Variants in TTC31 observed in about 807,000 individuals in gnomAD.
TTC31 encodes the protein tetratricopeptide repeat protein 31.
Under a neutral mutation model 60.4 loss-of-function variants are expected in TTC31, and 59 were observed. The ratio of observed to expected loss-of-function variants is 0.98; its 90% confidence interval spans 0.79 to 1.21. TTC31 has a LOEUF of 1.21. TTC31 is among the 50% of genes most tolerant of loss of function. TTC31 has a pLI of 0.00. For synonymous variants in TTC31, 225 were observed against 249.6 expected, an observed-to-expected ratio of 0.90 and a Z score of 0.93; for missense variants, 672 against 646.9, an observed-to-expected ratio of 1.04 and a Z score of -0.42.
chr2:74,493,466 C>T lies in TTC31; in HGVS notation c.*248C>T. The T allele has an allele frequency of 2.0e-6, 1 of 504,286 alleles. No individual in the cohort carries two copies. Among genetic ancestry groups the T allele is most frequent in the Non-Finnish European group, 3.5e-6 (1 of 285,502 alleles). The allele number at this position is 504,286 out of a possible 1,614,324, so 31.2% of individuals were successfully genotyped here. ...TAAGGAAAAATAAAACCCACCAAGG[C>T]TCAAGAAGGGAACTATAGAAAAGTT... On this transcript the variant is annotated 3_prime_UTR_variant, in exon 13 of 13. Coordinates refer to ENST00000233623, the MANE Select transcript of TTC31 (RefSeq NM_022492.6).
At chr2:74,491,805 A>C in intron 8 of TTC31, 133 bp downstream of exon 8, 1 of 1,386,078 alleles carries the variant, frequency 7.2e-7, no homozygotes, top group East Asian at 2.5e-5. Flanking sequence ...AGAGACCTAC[A>C]GTCAGGCCCC....
chr2:74,485,816 C>G (rs1327812688), intron 2 of TTC31, among the ~76,000 whole-genome samples: 1 of 151,722 alleles, frequency 6.6e-6, no homozygotes, highest in African/African-American at 2.4e-5. Context: ...GTTGGTCATG[C>G]TGATCTCAAA....
intron 2 of TTC31, among the ~76,000 whole-genome samples, chr2:74,486,241 GGA>G (rs1673092172): frequency 6.6e-6 from 1 of 151,824 alleles, no homozygotes; most frequent in African/African-American, 2.4e-5. Flanking sequence ...ATTCCAGCCT[GGA>G]GACAGGGTTA....
At position 74,490,135 on chromosome 2, in the gene TTC31, G is replaced by A. The variant is rs1354542875; in HGVS notation, c.232+8G>A. On this transcript the variant is annotated splice_region_variant and intron_variant, in intron 3 of 12. Coordinates refer to ENST00000233623, the MANE Select transcript of TTC31 (RefSeq NM_022492.6). ...TGCAGCTGTGGCACCATGGTGGGGA[G>A]TGCAGGGACCGGGCCCAGGGATCGA... 2 of 1,602,930 alleles carry A rather than the reference G, an allele frequency of 1.2e-6. No homozygotes were observed. Among genetic ancestry groups the A allele is most frequent in the African/African-American group, 2.7e-5 (2 of 74,770 alleles).
At position 74,492,408 on chromosome 2, in the gene TTC31, G is replaced by A; in HGVS notation, c.1124G>A (p.Gly375Asp). Residue 375 changes from glycine (G) to aspartate (D), a missense_variant, in exon 11 of 13, where the codon GGC (glycine) becomes GAC (aspartate). Coordinates refer to ENST00000233623, the MANE Select transcript of TTC31 (RefSeq NM_022492.6). ...ACCCTACGGCCTGGCTGGCCCCGGG[G>A]CCTCTTCCGCCTGGGCAAGGCCTTG... ...ALTLRPGWPR[G>D]LFRLGKALMG... 1.3e-6 allele frequency: 2 copies of A among 1,523,826 alleles called. No individual in the cohort carries two copies. The highest frequency in any genetic ancestry group is 1.8e-6 in the Non-Finnish European group (2 of 1,137,050). The allele number at this position is 1,523,826 out of a possible 1,614,324, so 94.4% of individuals were successfully genotyped here.
chr2:74,490,762 G>T (rs375319477), intron 5 of TTC31, 23 bp downstream of exon 5: 120 of 1,603,494 alleles, frequency 7.5e-5, no homozygotes, highest in South Asian at 6.5e-4. Context: ...TGGCTGGAGG[G>T]TGCAGGGGAG....
At chr2:74,492,083 C>G in intron 9 of TTC31, 28 bp downstream of exon 9, 1 of 1,614,122 alleles carries the variant, frequency 6.2e-7, no homozygotes, top group South Asian at 1.1e-5. Flanking sequence ...TCCGTCCTCA[C>G]CCCACCCTCC....
chr2:74,492,662 C>G lies in TTC31; in HGVS notation c.1178C>G (p.Ala393Gly), dbSNP rs1211800966. Residue 393 changes from alanine to glycine, a missense_variant, in exon 12 of 13, where the codon GCT becomes GGT. Transcript: ENST00000233623. ...LMGLQRFREA[A>G]AVFQETLRGG... is the part of the protein sequence containing the mutation. Reference sequence around the variant, plus strand: ...GGACCAAAGCGCTTCAGAGAGGCAGCTGCTGTGTTTCAGGAAACTCTGAGA... The same window carrying G: ...GGACCAAAGCGCTTCAGAGAGGCAGGTGCTGTGTTTCAGGAAACTCTGAGA... The G allele has an allele frequency of 2.5e-6, 4 of 1,614,188 alleles. No homozygotes were observed. Among genetic ancestry groups the G allele is most frequent in the Non-Finnish European group, 3.4e-6 (4 of 1,180,010 alleles).
At chr2:74,488,516 G>A (rs1673419148) in intron 2 of TTC31, among the ~76,000 whole-genome samples, 1 of 152,158 alleles carries the variant, frequency 6.6e-6, no homozygotes, top group South Asian at 2.1e-4. Flanking sequence ...CTCCCATCAG[G>A]ACCACAGAAT....
At chr2:74,491,029 T>C in intron 5 of TTC31, 99 bp from the exon 6 acceptor site, 1 of 1,493,642 alleles carries the variant, frequency 6.7e-7, no homozygotes, top group Non-Finnish European at 9.3e-7. Context: ...TAATGATGCC[T>C]GTCTCATAGA....
chr2:74,489,145 T>C (rs775619728), intron 2 of TTC31, among the ~76,000 whole-genome samples: 3 of 152,162 alleles, frequency 2.0e-5, no homozygotes, highest in Non-Finnish European at 2.9e-5. Context: ...AGGAGAGCAA[T>C]AGAAAGCAAT....
At position 74,490,442 on chromosome 2, in the gene TTC31, C is replaced by G; in HGVS notation, c.431C>G (p.Ala144Gly). The change falls in exon 4 of 13, where the codon GCC becomes GGC. Residue 144 changes from alanine (A) to glycine (G), a missense_variant. Coordinates refer to ENST00000233623, the MANE Select transcript of TTC31 (RefSeq NM_022492.6). ...PSVSDSLLQVAMPQKLLVTEE... is the reference protein window; with the variant it reads ...PSVSDSLLQVGMPQKLLVTEE... ...GTCTCAGACAGCCTGCTTCAGGTGG[C>G]CATGCCCCAGAAGCTCCTGGTGACA... 6.2e-7 allele frequency: 1 copy of G among 1,612,490 alleles called. No individual in the cohort carries two copies.
chr2:74,484,173 G>A (rs969863046), intron 2 of TTC31, among the ~76,000 whole-genome samples: 4 of 151,536 alleles, frequency 2.6e-5, no homozygotes, highest in Non-Finnish European at 5.9e-5. Context: ...GGAGGCAGAG[G>A]TTGCAGTGAG....
chr2:74,490,737 A>G lies in TTC31; in HGVS notation c.544A>G (p.Lys182Glu), dbSNP rs182054732. The G allele has an allele frequency of 6.2e-7, 1 of 1,612,560 alleles. No homozygotes were observed. The highest frequency in any genetic ancestry group is 8.5e-7 in the Non-Finnish European group (1 of 1,179,326). Reference protein sequence around the residue: ...QKAEKKRLKKKRQKERKRQER... With the variant: ...QKAEKKRLKKERQKERKRQER... ...AGCAGAGAAAAAGCGACTCAAGAAGAAGGTGGCTAGAGCATGGCTGGAGGG... is the reference window on the plus strand; with the variant it reads ...AGCAGAGAAAAAGCGACTCAAGAAGGAGGTGGCTAGAGCATGGCTGGAGGG... The change falls in exon 5 of 13, where the codon AAG becomes GAG. Residue 182 changes from lysine (K) to glutamate (E), a missense_variant and splice_region_variant. Physicochemically the swap from Lys to Glu is moderately conservative, Grantham distance 56. Coordinates refer to ENST00000233623, the MANE Select transcript of TTC31 (RefSeq NM_022492.6).
intron 2 of TTC31, among the ~76,000 whole-genome samples, chr2:74,488,927 G>A (rs968222624): frequency 2.6e-5 from 4 of 152,172 alleles, no homozygotes; most frequent in African/African-American, 7.2e-5. Flanking sequence ...ATTGTGGCGT[G>A]TGCCTGTAAT....
Position 74,489,876 on chromosome 2 carries a change from A to G in TTC31, c.130-149A>G, listed in dbSNP as rs576373087. On this transcript the variant is annotated intron_variant, in intron 2 of 12. Coordinates refer to ENST00000233623, the MANE Select transcript of TTC31 (RefSeq NM_022492.6). Reference sequence around the variant, plus strand: ...GGGGGCAGCAGATTTTGCGGTGCTGAGGAGGGAGAGGTCAGAGCCAGTGAG... The same window carrying G: ...GGGGGCAGCAGATTTTGCGGTGCTGGGGAGGGAGAGGTCAGAGCCAGTGAG... 1.1e-5 allele frequency: 7 copies of G among 634,818 alleles called. No homozygotes were observed. In the East Asian group the frequency reaches 1.9e-4, roughly 17 times the overall value. 39.3% of individuals were successfully genotyped at this position (634,818 alleles called of 1,614,324 possible).
intron 2 of TTC31, among the ~76,000 whole-genome samples, chr2:74,488,052 G>A (rs1465763474): frequency 6.6e-6 from 1 of 152,174 alleles, no homozygotes; most frequent in Admixed American, 6.5e-5. Flanking sequence ...ATAGTTCACT[G>A]CAGCCTTGAA....
chr2:74,491,129 G>T lies in TTC31; in HGVS notation c.548G>T (p.Arg183Leu), dbSNP rs752905468. ...KAEKKRLKKKRQKERKRQERL... is the reference protein window; with the variant it reads ...KAEKKRLKKKLQKERKRQERL... The stretch of plus-strand genomic sequence containing the variant: ...TCATTGTTACCATTACTATTGCAGC[G>T]TCAAAAGGAACGGAAGCGACAGGAG... The change falls in exon 6 of 13, where the codon CGT (arginine) becomes CTT (leucine). Residue 183 changes from arginine to leucine, a missense_variant and splice_region_variant. Physicochemically the swap from Arg to Leu is moderately radical, Grantham distance 102 (BLOSUM62 -2). Transcript: ENST00000233623. The T allele has an allele frequency of 6.2e-7, 1 of 1,614,200 alleles. No individual in the cohort carries two copies. Among genetic ancestry groups the T allele is most frequent in the Admixed American group, 1.7e-5 (1 of 60,022 alleles).
In TTC31 at chr2:74,492,451, A is replaced by G. The variant is rs1306952628; in HGVS notation, c.1161+6A>G. The stretch of plus-strand genomic sequence containing the variant: ...AGGCCTTGATGGGACTACAGGTAAT[A>G]GGTCTGGGGCTGGAAACAGGAGAGA... On this transcript the variant is annotated splice_donor_region_variant and intron_variant, in intron 11 of 12. Transcript: ENST00000233623. 6.6e-7 allele frequency: 1 copy of G among 1,522,226 alleles called. No individual in the cohort carries two copies. The highest frequency in any genetic ancestry group is 1.3e-5 in the South Asian group (1 of 75,508). The allele number at this position is 1,522,226 out of a possible 1,614,324, so 94.3% of individuals were successfully genotyped here.
Sources: gnomAD v4.1 joint callset for allele counts (sites outside exome capture counted in the v4.1 genomes callset) on GRCh38, gnomAD v4.1.1 for gene constraint, MANE v1.5 for transcripts, NCBI Gene and HGNC (gene_info 2026-07-23, HGNC 2026-07-21) for gene names.